The following ST8SIA5 variants were observed in gnomAD, a reference collection of about 807,000 sequenced individuals.
ST8SIA5 encodes alpha-2,8-sialyltransferase 8E.
In ST8SIA5, 24 loss-of-function variants were observed where a neutral mutation model predicts 40.2. The ratio of observed to expected loss-of-function variants is 0.60; its 90% CI spans 0.43 to 0.84. The LOEUF (loss-of-function observed/expected upper bound fraction) is 0.84. Ranked by LOEUF, ST8SIA5 falls within the 40% of genes least tolerant of loss-of-function variation. The pLI, the probability that ST8SIA5 is intolerant of heterozygous loss-of-function variation, is 0.00. For synonymous variants in ST8SIA5, 198 were observed against 201.8 expected (o/e 0.98, Z 0.16); for missense variants, 465 against 498.5 (o/e 0.93, Z 0.64).
At chr18:46,689,740 A>C (rs1344879385) in intron 3 of ST8SIA5, among the ~76,000 whole-genome samples, 1 of 128,086 alleles carries the variant, frequency 7.8e-6, no homozygotes, top group Non-Finnish European at 1.7e-5. Flanking sequence ...TGCCTGGCTA[A>C]TTTTTTTTTT....
At chr18:46,707,121 G>A (rs1364935963) in intron 1 of ST8SIA5, among the ~76,000 whole-genome samples, 2 of 152,144 alleles carry the variant, frequency 1.3e-5, no homozygotes, top group African/African-American at 2.4e-5. Context: ...ACACAACAGT[G>A]AGCTCTGGTG....
chr18:46,719,682 T>TTTCCTTTCTTTCTTTCTTTCTTTC (rs2039833149), intron 1 of ST8SIA5, among the ~76,000 whole-genome samples: 2 of 107,064 alleles, frequency 1.9e-5, no homozygotes. Flanking sequence ...TTCTTTTCTT[T>TTTCCTTTCTTTCTTTCTTTCTTTC]TTTCTTTCTT....
chr18:46,724,776 C>T (rs1335953893), intron 1 of ST8SIA5, among the ~76,000 whole-genome samples: 1 of 152,044 alleles, frequency 6.6e-6, no homozygotes, highest in Non-Finnish European at 1.5e-5. Context: ...GAGTTCGAGA[C>T]CAGCCTAGCC....
chr18:46,724,336 C>G (rs2144533115), intron 1 of ST8SIA5, among the ~76,000 whole-genome samples: 1 of 152,354 alleles, frequency 6.6e-6, no homozygotes. Context: ...TGCTGAGTAA[C>G]AGTAGACCCT....
At position 46,695,052 on chromosome 18, in the gene ST8SIA5, G is replaced by A. The variant is rs554527826; in HGVS notation, c.225-2797C>T. Among the ~76,000 whole-genome samples the A allele has an allele frequency of 9.9e-5, 15 of 152,084 alleles. No homozygotes were observed. The South Asian group carries it at 2.3e-3, about 23-fold the overall frequency. ...TGCGTGCCTGTAATCCCAGCTAGTT[G>A]GGAGGCTGAGGCAGGAGAATCGCTT... On this transcript the variant is annotated intron_variant, in intron 2 of 6. Coordinates refer to ENST00000315087, the MANE Select transcript of ST8SIA5 (RefSeq NM_013305.6).
At chr18:46,702,997 C>G (rs77754606) in intron 2 of ST8SIA5, among the ~76,000 whole-genome samples, 4,185 of 152,304 alleles carry the variant, frequency 0.027, 86 homozygotes, top group Non-Finnish European at 0.042. Context: ...GGAGTCTGTG[C>G]ATGACAGTCC....
chr18:46,685,462 CCTT>C (rs1270315331), intron 5 of ST8SIA5, among the ~76,000 whole-genome samples: 1 of 152,128 alleles, frequency 6.6e-6, no homozygotes, highest in African/African-American at 2.4e-5. Context: ...TCCAAGGCTT[CCTT>C]CTTCTAGAGA....
At chr18:46,685,176 A>T (rs1034605121) in intron 5 of ST8SIA5, among the ~76,000 whole-genome samples, 2 of 152,336 alleles carry the variant, frequency 1.3e-5, no homozygotes, top group African/African-American at 4.8e-5. Context: ...TCATGTGCCT[A>T]GCAATGCTGG....
chr18:46,708,089 A>T (rs868059960), intron 1 of ST8SIA5, among the ~76,000 whole-genome samples: 6 of 152,204 alleles, frequency 3.9e-5, no homozygotes, highest in African/African-American at 7.2e-5. Flanking sequence ...CATTTCATGG[A>T]ATCCACTGGC....
chr18:46,729,462 G>C (rs1200222180), intron 1 of ST8SIA5, among the ~76,000 whole-genome samples: 1 of 152,204 alleles, frequency 6.6e-6, no homozygotes, highest in Non-Finnish European at 1.5e-5. Context: ...TCCTGGGAAA[G>C]AGGAAGAAAC....
chr18:46,680,083 C>A lies in ST8SIA5; in HGVS notation c.1090G>T (p.Gly364Cys). The change falls in exon 7 of 7, where the codon GGC becomes TGC. Residue 364 changes from glycine (G) to cysteine (C), a missense_variant. Gly to Cys is a radical substitution (Grantham distance 159). Coordinates refer to ENST00000315087, the MANE Select transcript of ST8SIA5 (RefSeq NM_013305.6). ...IFNFLHLHSR[G>C]ILRVHTGTCS... ...GTGCCCGTGTGCACGCGGAGGATGCCTCGGCTGTGCAAGTGCAGGAAGTTG... is the reference window on the plus strand; with the variant it reads ...GTGCCCGTGTGCACGCGGAGGATGCATCGGCTGTGCAAGTGCAGGAAGTTG... 1 of 1,613,820 alleles carries A rather than the reference C, an allele frequency of 6.2e-7. No homozygotes were observed. Among genetic ancestry groups the A allele is most frequent in the Non-Finnish European group, 8.5e-7 (1 of 1,179,908 alleles).
At chr18:46,730,444 A>C in intron 1 of ST8SIA5, 1 of 166,044 alleles carries the variant, frequency 6.0e-6, no homozygotes, top group Non-Finnish European at 1.2e-5. Flanking sequence ...ATTTAACCCA[A>C]TGTTTGCATA....
At chr18:46,733,592 G>A (rs190277779) in intron 1 of ST8SIA5, among the ~76,000 whole-genome samples, 1 of 152,168 alleles carries the variant, frequency 6.6e-6, no homozygotes, top group East Asian at 1.9e-4. Flanking sequence ...AAGGTGTTGT[G>A]GGAGAAATAA....
chr18:46,709,253 T>C (rs999697589), intron 1 of ST8SIA5, among the ~76,000 whole-genome samples: 19 of 152,222 alleles, frequency 1.2e-4, no homozygotes, highest in African/African-American at 4.3e-4. Context: ...TAGGCCCTTA[T>C]AAAAGAGGCT....
intron 1 of ST8SIA5, among the ~76,000 whole-genome samples, chr18:46,744,185 T>G (rs1037100030): frequency 6.6e-6 from 1 of 152,184 alleles, no homozygotes. Flanking sequence ...CCTAACATCA[T>G]AATGACGGGA....
rs190135055 is a variant in ST8SIA5 at position 46,720,483 on chromosome 18, A to G, written c.132-15819T>C. Among the ~76,000 whole-genome samples the G allele has an allele frequency of 3.4e-4, 51 of 152,232 alleles. 1 individual carries two copies. Among genetic ancestry groups the G allele is most frequent in the Non-Finnish European group, 3.8e-4 (26 of 67,998 alleles). Reference sequence around the variant, plus strand: ...TGACATCAGAATCTCATCTTTCTCAAAGCATTGAATAAAAACATACATATC... The same window carrying G: ...TGACATCAGAATCTCATCTTTCTCAGAGCATTGAATAAAAACATACATATC... On this transcript the variant is annotated intron_variant, in intron 1 of 6. Coordinates refer to ENST00000315087, the MANE Select transcript of ST8SIA5 (RefSeq NM_013305.6).
chr18:46,730,442 C>T (rs937942317), intron 1 of ST8SIA5: 1 of 167,894 alleles, frequency 6.0e-6, no homozygotes, highest in Non-Finnish European at 1.2e-5. Context: ...GTATTTAACC[C>T]AATGTTTGCA....
chr18:46,704,458 A>G, intron 2 of ST8SIA5, 114 bp downstream of exon 2: 1 of 938,320 alleles, frequency 1.1e-6, no homozygotes. Flanking sequence ...TTCGCTCTAT[A>G]GGAACCTACC....
chr18:46,699,146 C>A (rs1306587766), intron 2 of ST8SIA5, among the ~76,000 whole-genome samples: 5 of 152,118 alleles, frequency 3.3e-5, no homozygotes, highest in Non-Finnish European at 7.3e-5. Context: ...ATGACAGAAG[C>A]GATAGGCTGG....
Sources: gnomAD v4.1 joint callset for allele counts (sites outside exome capture counted in the v4.1 genomes callset) on GRCh38, gnomAD v4.1.1 for gene constraint, MANE v1.5 for transcripts, NCBI Gene and HGNC (gene_info 2026-07-23, HGNC 2026-07-21) for gene names.